Variants in VPS13B observed in about 807,000 individuals in gnomAD.
VPS13B encodes the protein intermembrane lipid transfer protein VPS13B.
A neutral mutation model predicts 426.4 loss-of-function variants in VPS13B; 285 were observed. The observed-to-expected ratio is 0.67, with a 90% confidence interval of 0.61 to 0.74. The LOEUF is 0.74. Among genes scored for constraint, VPS13B ranks in the 30% least tolerant of loss-of-function variants. VPS13B has a pLI of 0.00. For missense variants in VPS13B, 4,537 were observed against 4,782.6 expected, an observed-to-expected ratio of 0.95 and a Z score of 1.51; for synonymous variants, 1,676 against 1,676.4, an observed-to-expected ratio of 1.00 and a Z score of 0.01.
At chr8:99,050,155 G>C (rs1369308199) in intron 3 of VPS13B, among the ~76,000 whole-genome samples, 1 of 151,880 alleles carries the variant, frequency 6.6e-6, no homozygotes, top group Non-Finnish European at 1.5e-5. Flanking sequence ...TTTAACATTA[G>C]GTATATCTCC....
intron 25 of VPS13B, among the ~76,000 whole-genome samples, chr8:99,488,685 G>C (rs937016061): frequency 1.3e-5 from 2 of 152,114 alleles, no homozygotes; most frequent in African/African-American, 4.8e-5. Context: ...TACTGTGTAG[G>C]GACTGGGCTG....
chr8:99,641,217 T>G lies in VPS13B; in HGVS notation c.5221-594T>G, dbSNP rs968813532. On this transcript the variant is annotated intron_variant, in intron 33 of 61. Coordinates refer to ENST00000357162, the MANE Select transcript of VPS13B (RefSeq NM_152564.5). ...TTTACTTTATCACTTATATTTGTCC[T>G]TGTTTTAAGTCCTATTGTAGTAGGA... Among the ~76,000 whole-genome samples the G allele has an allele frequency of 3.9e-5, 6 of 152,344 alleles. No homozygotes were observed. The South Asian group carries it at 8.3e-4, about 21-fold the overall frequency.
chr8:99,861,646 G>T, intron 57 of VPS13B, 130 bp from the exon 58 acceptor site: 2 of 1,220,392 alleles, frequency 1.6e-6, no homozygotes, highest in South Asian at 2.6e-5. Context: ...GCCTGAGAGG[G>T]AGCCACCATC....
At chr8:99,418,526 TTC>T (rs765559777) in intron 21 of VPS13B, among the ~76,000 whole-genome samples, 15 of 139,156 alleles carry the variant, frequency 1.1e-4, no homozygotes, top group Non-Finnish European at 1.7e-4. Context: ...CTTTCTTTCT[TTC>T]TCTTTCTTTT....
At chr8:99,743,104 AGCTG>A in intron 39 of VPS13B, among the ~76,000 whole-genome samples, 1 of 152,364 alleles carries the variant, frequency 6.6e-6, no homozygotes, top group African/African-American at 2.4e-5. Flanking sequence ...AATCTCCTTA[AGCTG>A]ATAGGCAACT....
At chr8:99,643,565 T>TG (rs1829457254) in intron 34 of VPS13B, among the ~76,000 whole-genome samples, 1 of 152,174 alleles carries the variant, frequency 6.6e-6, no homozygotes, top group Non-Finnish European at 1.5e-5. Flanking sequence ...AGCCAGTTGC[T>TG]GAGGAGTAAC....
intron 39 of VPS13B, among the ~76,000 whole-genome samples, chr8:99,737,001 A>T (rs113306726): frequency 0.018 from 2,790 of 151,286 alleles, 36 homozygotes; most frequent in Non-Finnish European, 0.03. Context: ...TGATTATTGA[A>T]CCTACAACTC....
At chr8:99,297,046 A>G (rs1002621316) in intron 19 of VPS13B, among the ~76,000 whole-genome samples, 1 of 152,144 alleles carries the variant, frequency 6.6e-6, no homozygotes, top group African/African-American at 2.4e-5. Flanking sequence ...TTTTGAAGAC[A>G]TCTCGTGTAC....
intron 31 of VPS13B, among the ~76,000 whole-genome samples, chr8:99,561,994 T>C (rs1824947374): frequency 6.6e-6 from 1 of 152,198 alleles, no homozygotes; most frequent in African/African-American, 2.4e-5. Flanking sequence ...GCCAAACTCT[T>C]TTCAACCATA....
intron 35 of VPS13B, among the ~76,000 whole-genome samples, chr8:99,686,363 C>T (rs1027358639): frequency 2.7e-5 from 4 of 150,742 alleles, no homozygotes; most frequent in Admixed American, 6.6e-5. Context: ...ATAACCCCTG[C>T]CTGGCTATCC....
chr8:99,761,861 A>G (rs545229184), intron 39 of VPS13B, among the ~76,000 whole-genome samples: 1 of 152,256 alleles, frequency 6.6e-6, no homozygotes, highest in African/African-American at 2.4e-5. Context: ...ATAATCATAT[A>G]TATTTATGGT....
At chr8:99,277,201 T>C (rs1041838146) in intron 19 of VPS13B, among the ~76,000 whole-genome samples, 3 of 152,130 alleles carry the variant, frequency 2.0e-5, no homozygotes, top group African/African-American at 7.2e-5. Flanking sequence ...TTTATGGATT[T>C]GTGTGTAAAA....
intron 8 of VPS13B, among the ~76,000 whole-genome samples, chr8:99,126,899 G>T (rs564931637): frequency 2.8e-4 from 42 of 152,180 alleles, no homozygotes; most frequent in Non-Finnish European, 4.9e-4. Context: ...TTCCAGACCA[G>T]CCATGCAAAT....
chr8:99,448,430 T>C (rs1282460066), intron 23 of VPS13B, among the ~76,000 whole-genome samples: 1 of 152,098 alleles, frequency 6.6e-6, no homozygotes, highest in East Asian at 1.9e-4. Context: ...ACTATAGAAA[T>C]TAACTTCTTA....
intron 24 of VPS13B, among the ~76,000 whole-genome samples, chr8:99,478,248 G>A (rs1819803289): frequency 6.6e-6 from 1 of 151,780 alleles, no homozygotes; most frequent in Non-Finnish European, 1.5e-5. Context: ...ATGTGGAACT[G>A]AGAAAGAACA....
intron 17 of VPS13B, among the ~76,000 whole-genome samples, chr8:99,252,057 T>G (rs1425581905): frequency 3.3e-5 from 5 of 151,594 alleles, no homozygotes; most frequent in Non-Finnish European, 5.9e-5. Flanking sequence ...TTTTTAAATT[T>G]AAAATATAAA....
chr8:99,112,609 ATAG>A (rs1409652760), intron 6 of VPS13B, among the ~76,000 whole-genome samples: 1 of 152,340 alleles, frequency 6.6e-6, no homozygotes, highest in East Asian at 1.9e-4. Flanking sequence ...TAACTCAGTA[ATAG>A]TGATGGCTCT....
In VPS13B at chr8:99,149,624, T is replaced by G. The variant is rs1333980498; in HGVS notation, c.2013+1614T>G. Among the ~76,000 whole-genome samples the G allele has an allele frequency of 1.1e-4, 8 of 71,118 alleles. No homozygotes were observed. In the South Asian group the frequency reaches 1.8e-3, roughly 16 times the overall value. The allele number at this position is 71,118 out of a possible 152,430, so 46.7% of individuals were successfully genotyped here. ...TGAGCCACCACACCTGGCCTATGTGTTTTTTTTTTTTTTTGATATATTTCT... is the reference window on the plus strand; with the variant it reads ...TGAGCCACCACACCTGGCCTATGTGGTTTTTTTTTTTTTTGATATATTTCT... On this transcript the variant is annotated intron_variant, in intron 14 of 61. Coordinates refer to ENST00000357162, the MANE Select transcript of VPS13B (RefSeq NM_152564.5).
At chr8:99,269,177 G>A (rs1033458127) in intron 17 of VPS13B, among the ~76,000 whole-genome samples, 1 of 151,974 alleles carries the variant, frequency 6.6e-6, no homozygotes, top group African/African-American at 2.4e-5. Context: ...GCATGAGGAT[G>A]GACTAATACA....
Sources: gnomAD v4.1 joint callset for allele counts (sites outside exome capture counted in the v4.1 genomes callset) on GRCh38, gnomAD v4.1.1 for gene constraint, MANE v1.5 for transcripts, NCBI Gene and HGNC (gene_info 2026-07-23, HGNC 2026-07-21) for gene names.